GRM4: variants seen among roughly 807,000 people sequenced by gnomAD.
GRM4 encodes the protein metabotropic glutamate receptor 4.
A neutral mutation model predicts 81.7 loss-of-function variants in GRM4; 28 were observed. That is an observed-to-expected ratio of 0.34 (90% CI 0.25 to 0.47). The LOEUF is 0.47. Among genes scored for constraint, GRM4 ranks in the 20% least tolerant of loss-of-function variants. GRM4 has a pLI of 1.00. For missense variants in GRM4, 948 were observed against 1,290.0 expected (o/e 0.73, Z 4.06); for synonymous variants, 488 against 528.8 (o/e 0.92, Z 1.06).
At chr6:34,109,758 T>TCA (rs923545954) in intron 2 of GRM4, among the ~76,000 whole-genome samples, 2 of 152,048 alleles carry the variant, frequency 1.3e-5, no homozygotes, top group African/African-American at 4.8e-5. Flanking sequence ...GCTCACCACT[T>TCA]CACACGGTAG....
At chr6:34,112,732 G>A (rs896263298) in intron 2 of GRM4, among the ~76,000 whole-genome samples, 6 of 152,144 alleles carry the variant, frequency 3.9e-5, no homozygotes, top group East Asian at 1.9e-4. Flanking sequence ...TCAGCCCCCC[G>A]CCCTATCCCC....
Position 34,152,033 on chromosome 6 carries a change from A to G in GRM4, c.312+3046T>C, listed in dbSNP as rs1197973421. On this transcript the variant is annotated intron_variant, in intron 1 of 8. Transcript: ENST00000374177. This position sits in a 1 kb window ranked among gnomAD's most constrained non-coding sequence, Gnocchi z 4.1. ...TTGTGTCTGATGCCCCTGTCTTCCA[A>G]GCAAGCTCCAGGCCCCTTGGCACAG... Among the ~76,000 whole-genome samples, 1 of 152,098 alleles carries G rather than the reference A, an allele frequency of 6.6e-6. No homozygotes were observed. Among genetic ancestry groups the G allele is most frequent in the African/African-American group, 2.4e-5 (1 of 41,416 alleles).
intron 9 of GRM4, among the ~76,000 whole-genome samples, chr6:34,031,769 C>G (rs1562009767): frequency 6.6e-6 from 1 of 152,224 alleles, no homozygotes; most frequent in Non-Finnish European, 1.5e-5. Context: ...ACCAGAGTGG[C>G]ACAGACAGCT....
rs372068772 is a variant in GRM4 at position 34,036,639 on chromosome 6, C to A, written c.1507-36G>T. On this transcript the variant is annotated intron_variant, in intron 8 of 10. Transcript: ENST00000538487. The surrounding 1 kb of genome is among the most constrained non-coding windows in gnomAD (Gnocchi z 9.0). ...CAGCACCGTAAAGCAGGCCTCAGAA[C>A]ATGCCACCCGGTGCCCCGGACCATC... The A allele has an allele frequency of 6.7e-5, 82 of 1,221,900 alleles. 1 individual carries two copies. In the South Asian group the frequency reaches 1.1e-3, roughly 17 times the overall value. 75.7% of individuals were successfully genotyped at this position (1,221,900 alleles called of 1,614,324 possible).
chr6:34,150,054 T>C (rs995396770), upstream of GRM4, among the ~76,000 whole-genome samples: 7 of 152,138 alleles, frequency 4.6e-5, no homozygotes, highest in African/African-American at 1.7e-4. Context: ...TGCACCATAA[T>C]ATCTTTCTAA....
chr6:34,033,945 G>A (rs1022738245), intron 9 of GRM4, among the ~76,000 whole-genome samples: 1 of 152,088 alleles, frequency 6.6e-6, no homozygotes, highest in African/African-American at 2.4e-5. Flanking sequence ...CACCATGTTG[G>A]TCAGGCTGGT....
chr6:34,038,514 T>A (rs1240619959), intron 8 of GRM4, among the ~76,000 whole-genome samples: 1 of 151,962 alleles, frequency 6.6e-6, no homozygotes, highest in East Asian at 1.9e-4. Context: ...AGGTCCAGGG[T>A]ACCAGTGATG....
chr6:34,077,556 C>T (rs908230046), intron 3 of GRM4, among the ~76,000 whole-genome samples: 11 of 152,196 alleles, frequency 7.2e-5, no homozygotes, highest in Non-Finnish European at 1.2e-4. Flanking sequence ...CTCACACCTT[C>T]AGTGGCTCTC....
chr6:34,112,611 G>C (rs1335404734), intron 2 of GRM4, among the ~76,000 whole-genome samples: 1 of 152,156 alleles, frequency 6.6e-6, no homozygotes, highest in African/African-American at 2.4e-5. Context: ...GGACACTTTA[G>C]TGCCCATGGC....
chr6:34,103,930 C>G (rs1768983204), intron 2 of GRM4: 2 of 1,133,916 alleles, frequency 1.8e-6, no homozygotes, highest in African/African-American at 3.2e-5. Flanking sequence ...TCAGAGCCAG[C>G]CATGCACCTC....
intron 6 of GRM4, 145 bp downstream of exon 6, chr6:34,056,399 C>A: frequency 1.5e-6 from 1 of 679,002 alleles, no homozygotes; most frequent in Non-Finnish European, 2.4e-6. Context: ...CCTCCCAACT[C>A]CACCCCAGGT....
rs982944001 is a variant in GRM4 at position 34,111,955 on chromosome 6, C to T, written c.520-19856G>A. On this transcript the variant is annotated intron_variant, in intron 2 of 10. Transcript: ENST00000538487. The surrounding 1 kb of genome is among the most constrained non-coding windows in gnomAD (Gnocchi z 5.1). ...GAGGTTTCTCAATAAGAAAAGGAGA[C>T]TTGCCTGGAGATTCTGAAATGGGGA... 6.6e-5 allele frequency among the ~76,000 whole-genome samples: 10 copies of T among 152,172 alleles called. No individual in the cohort carries two copies. Among genetic ancestry groups the T allele is most frequent in the African/African-American group, 2.4e-4 (10 of 41,432 alleles).
At chr6:34,138,164 A>G (rs115999037) in intron 1 of GRM4, among the ~76,000 whole-genome samples, 134 of 152,348 alleles carry the variant, frequency 8.8e-4, no homozygotes, top group African/African-American at 3.0e-3. Flanking sequence ...TCCCAGGGTC[A>G]GGGTCATTGC....
At chr6:34,096,237 C>T (rs1166002036) in intron 2 of GRM4, among the ~76,000 whole-genome samples, 2 of 152,180 alleles carry the variant, frequency 1.3e-5, no homozygotes, top group African/African-American at 4.8e-5. Flanking sequence ...CAAGCACAGG[C>T]GTCCTGCTCT....
chr6:34,116,994 T>C (rs1038374584), intron 2 of GRM4, among the ~76,000 whole-genome samples: 2 of 152,198 alleles, frequency 1.3e-5, no homozygotes, highest in Admixed American at 6.5e-5. Flanking sequence ...ATCAGGCTAT[T>C]GATTATCCTT....
chr6:34,134,338 AG>A (rs1770368618), intron 1 of GRM4, among the ~76,000 whole-genome samples: 1 of 152,190 alleles, frequency 6.6e-6, no homozygotes, highest in African/African-American at 2.4e-5. Flanking sequence ...TGCCTACTGC[AG>A]CCCAGCTTTC....
At chr6:34,126,688 T>A (rs1009616820) in intron 2 of GRM4, among the ~76,000 whole-genome samples, 2 of 152,134 alleles carry the variant, frequency 1.3e-5, no homozygotes, top group African/African-American at 4.8e-5. Flanking sequence ...CGCAGAGAGC[T>A]CCCAAGACTT....
chr6:34,093,908 C>T (rs1768377409), intron 2 of GRM4, among the ~76,000 whole-genome samples: 1 of 152,232 alleles, frequency 6.6e-6, no homozygotes, highest in Admixed American at 6.5e-5. Context: ...TCCCAAACCC[C>T]CTCACTGCAG....
At chr6:34,141,291 C>T (rs202115431) in intron 1 of GRM4, among the ~76,000 whole-genome samples, 2 of 152,302 alleles carry the variant, frequency 1.3e-5, no homozygotes, top group East Asian at 3.9e-4. Flanking sequence ...CACCAATGGG[C>T]GACCAGTGCC....
Sources: allele counts gnomAD v4.1 joint callset (sites outside exome capture counted in the v4.1 genomes callset), GRCh38; gene constraint gnomAD v4.1.1; non-coding constraint Gnocchi (gnomAD v3.1); transcripts MANE v1.5; gene names NCBI Gene and HGNC (gene_info 2026-07-23, HGNC 2026-07-21).